The following CENPH variants were observed in gnomAD, a reference collection of about 807,000 sequenced individuals.
The protein encoded by CENPH is CENP-H.
In CENPH, 40 loss-of-function variants were observed where a neutral mutation model predicts 42.9. That is an observed-to-expected ratio of 0.93 (90% CI 0.72 to 1.21). The LOEUF is 1.21. Among genes scored for constraint, CENPH ranks in the 50% most tolerant of loss-of-function variants. The pLI, the probability that CENPH is intolerant of heterozygous loss-of-function variation, is 0.00. For missense variants in CENPH, 302 were observed against 292.9 expected (o/e 1.03, Z -0.23); for synonymous variants, 88 against 96.5 (o/e 0.91, Z 0.52).
intron 3 of CENPH, among the ~76,000 whole-genome samples, chr5:69,194,914 CTTTCTT>C (rs1034921448): frequency 7.0e-6 from 1 of 143,434 alleles, no homozygotes; most frequent in African/African-American, 2.6e-5. Flanking sequence ...ACCTGACTTT[CTTTCTT>C]TTTTTTTTTT....
Position 69,189,600 on chromosome 5 carries a change from G to T in CENPH, c.-35G>T, listed in dbSNP as rs762374826. 23 of 1,552,798 alleles carry T rather than the reference G, an allele frequency of 1.5e-5. No homozygotes were observed. Among genetic ancestry groups the T allele is most frequent in the South Asian group, 3.5e-5 (3 of 85,220 alleles). ...AAAGCGACCTTTTCTGAGCGCGTTTGCCTGTTGAGTGGTAGCCTTTCCCCT... is the reference window on the plus strand; with the variant it reads ...AAAGCGACCTTTTCTGAGCGCGTTTTCCTGTTGAGTGGTAGCCTTTCCCCT... On this transcript the variant is annotated 5_prime_UTR_variant, in exon 1 of 9. Transcript: ENST00000283006.
intron 5 of CENPH, among the ~76,000 whole-genome samples, chr5:69,200,966 G>A (rs1483340140): frequency 6.6e-6 from 1 of 150,574 alleles, no homozygotes; most frequent in African/African-American, 2.4e-5. Flanking sequence ...TCGAGCTTCT[G>A]ACTTCAAGGG....
chr5:69,192,894 C>T (rs1186450905), intron 2 of CENPH, among the ~76,000 whole-genome samples: 2 of 152,034 alleles, frequency 1.3e-5, no homozygotes, highest in Non-Finnish European at 1.5e-5. Context: ...GTCAGGAGTT[C>T]GAGACCAGCC....
At chr5:69,206,738 C>T (rs1282618450) in intron 7 of CENPH, among the ~76,000 whole-genome samples, 1 of 152,162 alleles carries the variant, frequency 6.6e-6, no homozygotes, top group African/African-American at 2.4e-5. Flanking sequence ...TCAGGTGATC[C>T]ACCCTCCTCA....
chr5:69,194,148 A>G (rs942474961), intron 2 of CENPH, among the ~76,000 whole-genome samples: 2 of 150,920 alleles, frequency 1.3e-5, no homozygotes, highest in Non-Finnish European at 3.0e-5. Context: ...CAAGTGCCAC[A>G]TTGTCTTTGT....
At chr5:69,200,717 A>ATTTTTTTTTTTTTTTTTTTTTTTT (rs1554058445) in intron 5 of CENPH, among the ~76,000 whole-genome samples, 2 of 40,976 alleles carry the variant, frequency 4.9e-5, no homozygotes, top group Non-Finnish European at 1.2e-4. Flanking sequence ...GAATCAGCGT[A>ATTTTTTTTTTTTTTTTTTTTTTTT]TCTTTTTTTT....
At chr5:69,208,590 C>T (rs1383684188) in intron 8 of CENPH, among the ~76,000 whole-genome samples, 1 of 152,042 alleles carries the variant, frequency 6.6e-6, no homozygotes, top group Non-Finnish European at 1.5e-5. Flanking sequence ...AACCCCTCAC[C>T]TTAGGTGATC....
At chr5:69,202,058 G>A (rs1444645637) in intron 5 of CENPH, among the ~76,000 whole-genome samples, 1 of 152,068 alleles carries the variant, frequency 6.6e-6, no homozygotes, top group African/African-American at 2.4e-5. Flanking sequence ...CCTTCCACTC[G>A]GTTTTGCTGT....
chr5:69,207,159 G>A (rs1275971059), intron 7 of CENPH, among the ~76,000 whole-genome samples: 1 of 151,678 alleles, frequency 6.6e-6, no homozygotes, highest in Non-Finnish European at 1.5e-5. Flanking sequence ...AAAAATGATT[G>A]ATGATGTTTA....
chr5:69,191,099 C>G (rs1215238786), intron 1 of CENPH, among the ~76,000 whole-genome samples: 1 of 152,092 alleles, frequency 6.6e-6, no homozygotes, highest in Non-Finnish European at 1.5e-5. Context: ...GGATTAGTAT[C>G]TTTGTTATTT....
chr5:69,196,189 A>G (rs1747961195), intron 4 of CENPH, among the ~76,000 whole-genome samples: 1 of 152,018 alleles, frequency 6.6e-6, no homozygotes, highest in South Asian at 2.1e-4. Context: ...TTCTCACCTC[A>G]GCCTCCCCAA....
chr5:69,209,658 T>G, intron 8 of CENPH, 49 bp from the exon 9 acceptor site: 1 of 868,778 alleles, frequency 1.2e-6, no homozygotes, highest in South Asian at 1.5e-5. Context: ...AAAATCTTGT[T>G]AAATTTTTAA....
intron 6 of CENPH, 147 bp downstream of exon 6, chr5:69,202,716 A>G (rs548518731): frequency 3.0e-6 from 2 of 657,084 alleles, no homozygotes; most frequent in South Asian, 4.2e-5. Context: ...TCTTTTTTTC[A>G]AAATTCTATT....
At chr5:69,204,071 A>ATAGAATATATAT (rs1418890038) in intron 7 of CENPH, among the ~76,000 whole-genome samples, 69 of 56,358 alleles carry the variant, frequency 1.2e-3, no homozygotes, top group African/African-American at 1.2e-3. Flanking sequence ...AAATATATAT[A>ATAGAATATATAT]ATATATAAAT....
intron 4 of CENPH, among the ~76,000 whole-genome samples, chr5:69,196,717 G>A (rs1453093806): frequency 6.6e-6 from 1 of 152,094 alleles, no homozygotes; most frequent in Non-Finnish European, 1.5e-5. Context: ...CTTCATTTCA[G>A]GCCCATCCTG....
intron 7 of CENPH, among the ~76,000 whole-genome samples, chr5:69,204,061 A>T (rs1484651198): frequency 1.5e-5 from 1 of 65,316 alleles, no homozygotes; most frequent in Non-Finnish European, 3.1e-5. Context: ...TTATATATAT[A>T]AATATATATA....
At chr5:69,203,989 T>G (rs552458895) in intron 7 of CENPH, among the ~76,000 whole-genome samples, 141 of 131,114 alleles carry the variant, frequency 1.1e-3, no homozygotes, top group African/African-American at 2.6e-3. Flanking sequence ...TCTATATATA[T>G]ATATAGAGAG....
At chr5:69,191,506 C>T (rs1159717937) in intron 1 of CENPH, among the ~76,000 whole-genome samples, 2 of 152,030 alleles carry the variant, frequency 1.3e-5, no homozygotes, top group East Asian at 1.9e-4. Context: ...TGCAAGACTC[C>T]GTCTCAAAAA....
chr5:69,203,066 C>A, intron 7 of CENPH, 96 bp downstream of exon 7: 1 of 826,806 alleles, frequency 1.2e-6, no homozygotes, highest in South Asian at 1.6e-5. Context: ...TTCCTAATTT[C>A]CGACTTCCAA....
Sources: gnomAD v4.1 joint callset for allele counts (sites outside exome capture counted in the v4.1 genomes callset) on GRCh38, gnomAD v4.1.1 for gene constraint, MANE v1.5 for transcripts, NCBI Gene and HGNC (gene_info 2026-07-23, HGNC 2026-07-21) for gene names.